ABCB11: variants seen among roughly 807,000 people sequenced by gnomAD.
ABCB11 encodes the protein ATP binding cassette subfamily B member 11.
A neutral mutation model predicts 148.0 loss-of-function variants in ABCB11; 95 were observed. That is an observed-to-expected ratio of 0.64 (90% CI 0.54 to 0.76). ABCB11 has a LOEUF of 0.76. Among genes scored for constraint, ABCB11 ranks in the 30% least tolerant of loss-of-function variants. The pLI is 0.00. For synonymous variants in ABCB11, 591 were observed against 555.4 expected, an observed-to-expected ratio of 1.06 and a Z score of -0.90; for missense variants, 1,523 against 1,617.8, an observed-to-expected ratio of 0.94 and a Z score of 1.01.
chr2:168,969,969 AC>A, intron 15 of ABCB11, 75 bp downstream of exon 15: 17 of 583,970 alleles, frequency 2.9e-5, no homozygotes, highest in Non-Finnish European at 4.8e-5. Flanking sequence ...CTCCCACCCC[AC>A]AAGGAGCTGC....
At position 168,995,444 on chromosome 2, in the gene ABCB11, C is replaced by T. The variant is rs371303460; in HGVS notation, c.516G>A (p.Gln172=). 33 of 1,612,052 alleles carry T rather than the reference C, an allele frequency of 2.0e-5. No individual in the cohort carries two copies. In the African/African-American group the frequency reaches 4.3e-4, roughly 21 times the overall value. ...FWVIAAARQI[Q]KMRKFYFRRI... is the part of the protein sequence containing the mutation. The stretch of plus-strand genomic sequence containing the variant: ...TCCTAAAGTAAAATTTTCTCATTTT[C>T]TGTATCTGACGAGCTGCGGCAATGA... Residue 172 remains glutamine (Q), a synonymous_variant, in exon 7 of 28, where the codon CAG becomes CAA. Coordinates refer to ENST00000650372, the MANE Select transcript of ABCB11 (RefSeq NM_003742.4).
At chr2:169,011,187 C>T (rs1695175850) in intron 5 of ABCB11, among the ~76,000 whole-genome samples, 1 of 152,064 alleles carries the variant, frequency 6.6e-6, no homozygotes, top group Non-Finnish European at 1.5e-5. Flanking sequence ...CATTTATTTC[C>T]AAATTTTAAG....
intron 5 of ABCB11, among the ~76,000 whole-genome samples, chr2:169,008,427 T>G (rs1695084981): frequency 6.6e-6 from 1 of 152,192 alleles, no homozygotes; most frequent in Non-Finnish European, 1.5e-5. Flanking sequence ...TGCCTTCTTC[T>G]TAGCAACCAT....
At chr2:169,012,738 T>TAAAA (rs78964015) in intron 5 of ABCB11, among the ~76,000 whole-genome samples, 1 of 123,710 alleles carries the variant, frequency 8.1e-6, no homozygotes, top group African/African-American at 3.0e-5. Context: ...GACTCCATCT[T>TAAAA]AAAAAAAAAA....
At chr2:168,979,470 C>A (rs932965224) in intron 11 of ABCB11, among the ~76,000 whole-genome samples, 2 of 152,040 alleles carry the variant, frequency 1.3e-5, no homozygotes, top group Admixed American at 6.6e-5. Context: ...CTGCTATTGT[C>A]TTATCTTTGA....
chr2:169,002,272 T>C (rs1694898858), intron 5 of ABCB11, among the ~76,000 whole-genome samples: 1 of 152,072 alleles, frequency 6.6e-6, no homozygotes, highest in South Asian at 2.1e-4. Context: ...AAGCAAAGTC[T>C]GGTTATTATA....
chr2:168,944,145 G>A (rs894639264), intron 21 of ABCB11, among the ~76,000 whole-genome samples: 3 of 151,916 alleles, frequency 2.0e-5, no homozygotes, highest in South Asian at 2.1e-4. Flanking sequence ...GATAAAAATC[G>A]TTTATTTCTT....
intron 16 of ABCB11, among the ~76,000 whole-genome samples, chr2:168,968,971 G>A (rs1023329299): frequency 1.3e-5 from 2 of 151,802 alleles, no homozygotes; most frequent in Non-Finnish European, 2.9e-5. Context: ...AAAAAAGAAG[G>A]TGCACTAGAA....
At chr2:168,951,931 T>A (rs1692587702) in intron 19 of ABCB11, among the ~76,000 whole-genome samples, 1 of 151,746 alleles carries the variant, frequency 6.6e-6, no homozygotes, top group Non-Finnish European at 1.5e-5. Context: ...CCTAGTTTAT[T>A]GAGAATATTT....
intron 11 of ABCB11, among the ~76,000 whole-genome samples, chr2:168,978,005 G>T (rs1348104908): frequency 4.0e-5 from 6 of 151,882 alleles, no homozygotes; most frequent in Admixed American, 2.0e-4. Context: ...TCCTTACTGG[G>T]TTGCTAATAA....
Position 168,944,758 on chromosome 2 carries a change from G to C in ABCB11, c.2457C>G (p.Ala819=). 2 of 1,612,332 alleles carry C rather than the reference G, an allele frequency of 1.2e-6. No individual in the cohort carries two copies. Among genetic ancestry groups the C allele is most frequent in the East Asian group, 2.2e-5 (1 of 44,834 alleles). Residue 819 remains alanine (A), a synonymous_variant, in exon 21 of 28, where the codon GCC becomes GCG. Transcript: ENST00000650372. ...TTAGGAGCTCCCCAGATTTAGCAAAGGCATATCCCTAAAACATGAAGAGGG... is the reference window on the plus strand; with the variant it reads ...TTAGGAGCTCCCCAGATTTAGCAAACGCATATCCCTAAAACATGAAGAGGG... ...SLFTQFLQGY[A]FAKSGELLTK... is the part of the protein sequence containing the mutation.
intron 14 of ABCB11, 196 bp from the exon 15 acceptor site, chr2:168,970,411 G>T: frequency 7.1e-7 from 1 of 1,417,550 alleles, no homozygotes; most frequent in Non-Finnish European, 9.6e-7. Flanking sequence ...TAAAGGAATT[G>T]ATTTATGCTT....
At chr2:169,014,250 T>G in intron 4 of ABCB11, 53 bp downstream of exon 4, 1 of 1,553,296 alleles carries the variant, frequency 6.4e-7, no homozygotes, top group Non-Finnish European at 8.9e-7. Context: ...CCTCATGATC[T>G]AAACAATTTA....
In ABCB11 at chr2:168,973,747, T is replaced by C; in HGVS notation, c.1402A>G (p.Ile468Val). 1 of 1,612,222 alleles carries C rather than the reference T, an allele frequency of 6.2e-7. No homozygotes were observed. Among genetic ancestry groups the C allele is most frequent in the South Asian group, 1.1e-5 (1 of 91,050 alleles). Residue 468 changes from isoleucine (I) to valine (V), a missense_variant, in exon 13 of 28, where the codon ATT (isoleucine) becomes GTT (valine). Transcript: ENST00000650372. ...GAGKSTALQLIQRFYDPCEGM... is the reference protein window; with the variant it reads ...GAGKSTALQLVQRFYDPCEGM... Reference sequence around the variant, plus strand: ...TCACAGGGGTCATAGAATCGCTGAATGAGTTGCAGTGCTGTACTTTTTCCA... The same window carrying C: ...TCACAGGGGTCATAGAATCGCTGAACGAGTTGCAGTGCTGTACTTTTTCCA...
chr2:168,920,405 G>A (rs1047070320), downstream of ABCB11, among the ~76,000 whole-genome samples: 7 of 151,552 alleles, frequency 4.6e-5, no homozygotes, highest in East Asian at 7.8e-4. Context: ...AAACTCTCTT[G>A]AACTAGACTA....
rs542492774 is a variant in ABCB11, at chr2:168,921,257, T to C, written c.*2365A>G. ...TTGCTAAACCATCTTTGCTGTTATATACCAGGAAACACTGGAAAAGAGACA... is the reference window on the plus strand; with the variant it reads ...TTGCTAAACCATCTTTGCTGTTATACACCAGGAAACACTGGAAAAGAGACA... On this transcript the variant is annotated 3_prime_UTR_variant, in exon 28 of 28. Transcript: ENST00000650372. 4.6e-5 allele frequency among the ~76,000 whole-genome samples: 7 copies of C among 152,210 alleles called. No homozygotes were observed. Among genetic ancestry groups the C allele is most frequent in the Non-Finnish European group, 8.8e-5 (6 of 68,036 alleles).
rs1455887389 is a variant in ABCB11, at chr2:169,018,031, A to AG, written c.76+18dup. 1 of 1,597,386 alleles carries AG rather than the reference A, an allele frequency of 6.3e-7. No homozygotes were observed. The highest frequency in any genetic ancestry group is 8.6e-7 in the Non-Finnish European group (1 of 1,165,240). ...ACCTCTCCTTGTACAAGATGCAGTG[A>AG]GGGAAAAAAGCCACTCACATGATTT... is the stretch of plus-strand genomic sequence containing the variant. On this transcript the variant is annotated intron_variant, in intron 2 of 27. Transcript: ENST00000650372.
chr2:168,989,525 T>C (rs1329001960), intron 9 of ABCB11, among the ~76,000 whole-genome samples: 1 of 152,116 alleles, frequency 6.6e-6, no homozygotes, highest in African/African-American at 2.4e-5. Flanking sequence ...TTTATTACTA[T>C]AGTAATCAAA....
At chr2:168,945,592 C>T (rs368292601) in intron 19 of ABCB11, among the ~76,000 whole-genome samples, 32 of 135,690 alleles carry the variant, frequency 2.4e-4, no homozygotes, top group Non-Finnish European at 3.4e-4. Context: ...GAAGAGAGGA[C>T]GGAAGGGAAG....
Sources: allele counts gnomAD v4.1 joint callset (sites outside exome capture counted in the v4.1 genomes callset), GRCh38; gene constraint gnomAD v4.1.1; transcripts MANE v1.5; gene names NCBI Gene and HGNC (gene_info 2026-07-23, HGNC 2026-07-21).